The following HDAC7 variants were observed in gnomAD, a reference collection of about 807,000 sequenced individuals.
HDAC7 encodes histone deacetylase 7A.
A neutral mutation model predicts 115.5 loss-of-function variants in HDAC7; 26 were observed. That is an observed-to-expected ratio of 0.23 (90% CI 0.16 to 0.31). The LOEUF (loss-of-function observed/expected upper bound fraction) is 0.31, where lower values mean the gene tolerates loss of function less well. Among genes scored for constraint, HDAC7 ranks in the 10% least tolerant of loss-of-function variants. The pLI, the probability that HDAC7 is intolerant of heterozygous loss-of-function variation, is 1.00. For synonymous variants in HDAC7, 564 were observed against 550.9 expected (o/e 1.02, Z -0.33); for missense variants, 1,068 against 1,329.0 (o/e 0.80, Z 3.05).
intron 1 of HDAC7, among the ~76,000 whole-genome samples, chr12:47,811,569 C>G (rs1472413604): frequency 6.6e-6 from 1 of 152,198 alleles, no homozygotes; most frequent in Non-Finnish European, 1.5e-5. Flanking sequence ...TGATCTCTGA[C>G]TGATGCGTCT....
Position 47,798,083 on chromosome 12 carries a change from G to T in HDAC7, c.461+25C>A. On this transcript the variant is annotated intron_variant, in intron 5 of 25. Coordinates refer to ENST00000080059, the MANE Select transcript of HDAC7 (RefSeq NM_015401.5). The surrounding 1 kb of genome is among the most constrained non-coding windows in gnomAD (Gnocchi z 4.3). The stretch of plus-strand genomic sequence containing the variant: ...GGGGTGGAGGGTGCATGTGGGGACA[G>T]GAGGGCAGGTGAGGAGGGTGTTACC... The T allele has an allele frequency of 6.5e-7, 1 of 1,537,140 alleles. No individual in the cohort carries two copies. The highest frequency in any genetic ancestry group is 9.0e-7 in the Non-Finnish European group (1 of 1,109,964).
At chr12:47,791,212 G>A (rs751753275) in intron 16 of HDAC7, 47 bp downstream of exon 16, 8 of 1,519,926 alleles carry the variant, frequency 5.3e-6, no homozygotes, top group South Asian at 4.7e-5. Flanking sequence ...AGGGAGGAGA[G>A]CTGAGAGCCC....
chr12:47,793,342 C>CCCCCCCCCCCCA lies in HDAC7; in HGVS notation c.1678+26_1678+27insTGGGGGGGGGGG. 1 of 1,397,878 alleles carries CCCCCCCCCCCCA rather than the reference C, an allele frequency of 7.2e-7. No homozygotes were observed. The highest frequency in any genetic ancestry group is 9.7e-7 in the Non-Finnish European group (1 of 1,033,342). The allele number at this position is 1,397,878 out of a possible 1,614,324, so 86.6% of individuals were successfully genotyped here. ...ACTCGTGCAGCCGAGCCCCTCCCTC[C>CCCCCCCCCCCCA]ACCCGCCACCCTCCTCCCGGTCTCA... On this transcript the variant is annotated intron_variant, in intron 13 of 25. Coordinates refer to ENST00000080059, the MANE Select transcript of HDAC7 (RefSeq NM_015401.5). The surrounding 1 kb of genome is among the most constrained non-coding windows in gnomAD (Gnocchi z 4.5).
In HDAC7 at chr12:47,798,674, C is replaced by G; in HGVS notation, c.259-22G>C. ...AGAGCTGTGGGCAGGGCCGGCAGCC[C>G]AGAAAGGGACAAGGAGTTGAGGACT... On this transcript the variant is annotated intron_variant, in intron 3 of 25. Coordinates refer to ENST00000080059, the MANE Select transcript of HDAC7 (RefSeq NM_015401.5). The surrounding 1 kb of genome is among the most constrained non-coding windows in gnomAD (Gnocchi z 4.3). 6.2e-7 allele frequency: 1 copy of G among 1,603,458 alleles called. No individual in the cohort carries two copies. The highest frequency in any genetic ancestry group is 1.3e-5 in the African/African-American group (1 of 74,804).
upstream of HDAC7, among the ~76,000 whole-genome samples, chr12:47,821,089 A>G (rs551673945): frequency 1.2e-4 from 18 of 152,270 alleles, no homozygotes; most frequent in Middle Eastern, 3.4e-3. Flanking sequence ...AGGCGCCACC[A>G]TTGTAAACCA....
Position 47,795,605 on chromosome 12 carries a change from G to A in HDAC7, c.1069C>T (p.His357Tyr). The change falls in exon 10 of 26, where the codon CAT (histidine) becomes TAT (tyrosine). Residue 357 changes from histidine (H) to tyrosine (Y), a missense_variant. Around this residue, in one of 6 missense-constraint regions of HDAC7, gnomAD observed 618 missense variants for 701.5 expected, o/e 0.88. Transcript: ENST00000080059. This position sits in a 1 kb window ranked among gnomAD's most constrained non-coding sequence, Gnocchi z 4.3. ...GACTCACCAGTCAGCAGCGGGGCAT[G>A]AGAGCCTGAGGGGTCCAGGAGGAGA... is the stretch of plus-strand genomic sequence containing the variant. ...PILLLDPSGS[H>Y]APLLTVPGLG... 6.4e-7 allele frequency: 1 copy of A among 1,561,496 alleles called. No individual in the cohort carries two copies. Among genetic ancestry groups the A allele is most frequent in the Non-Finnish European group, 8.7e-7 (1 of 1,153,050 alleles).
intron 1 of HDAC7, chr12:47,813,042 G>C (rs1019382306): frequency 2.0e-5 from 3 of 152,260 alleles, no homozygotes; most frequent in African/African-American, 7.2e-5. Flanking sequence ...TCACTCCCGG[G>C]ACCCAGGGGA....
At chr12:47,816,143 C>T (rs1268142053) in intron 1 of HDAC7, among the ~76,000 whole-genome samples, 2 of 152,088 alleles carry the variant, frequency 1.3e-5, no homozygotes, top group Non-Finnish European at 2.9e-5. Context: ...CCACCTGCCT[C>T]GGCCTCCCAA....
chr12:47,801,103 C>G (rs1944144105), intron 2 of HDAC7, among the ~76,000 whole-genome samples: 1 of 152,228 alleles, frequency 6.6e-6, no homozygotes, highest in Non-Finnish European at 1.5e-5. Context: ...TTGCTCAAAG[C>G]TCAGCTGGAG....
intron 1 of HDAC7, chr12:47,802,488 C>T: frequency 6.4e-7 from 1 of 1,551,094 alleles, no homozygotes; most frequent in Non-Finnish European, 8.7e-7. Context: ...CCAGCTCCCT[C>T]TTCCTCAAGT....
chr12:47,797,855 G>GGTGTGTGTGTGT lies in HDAC7; in HGVS notation c.461+241_461+252dup, dbSNP rs373121556. Among the ~76,000 whole-genome samples, 6,694 of 123,736 alleles carry GGTGTGTGTGTGT rather than the reference G, an allele frequency of 0.054. 237 individuals are homozygous for GGTGTGTGTGTGT. Among genetic ancestry groups the GGTGTGTGTGTGT allele is most frequent in the Non-Finnish European group, 0.069 (4,122 of 59,890 alleles). 81.2% of individuals were successfully genotyped at this position (123,736 alleles called of 152,430 possible). A position where few individuals can be genotyped will look rare whatever the true frequency, so the allele number is the denominator to read the frequency against. On this transcript the variant is annotated intron_variant, in intron 5 of 25. Coordinates refer to ENST00000080059, the MANE Select transcript of HDAC7 (RefSeq NM_015401.5). This position sits in a 1 kb window ranked among gnomAD's most constrained non-coding sequence, Gnocchi z 5.5. ...TCATGTGCAAGAAAAAAGCCAGTAG[G>GGTGTGTGTGTGT]GTGTGTGTGTGTGTGTGTGTGTGTG...
chr12:47,801,898 G>T lies in HDAC7; in HGVS notation c.70+326C>A, dbSNP rs568107973. Among the ~76,000 whole-genome samples, 7 of 152,302 alleles carry T rather than the reference G, an allele frequency of 4.6e-5. No individual in the cohort carries two copies. In the South Asian group the frequency reaches 1.5e-3, roughly 32 times the overall value. On this transcript the variant is annotated intron_variant, in intron 2 of 25. Transcript: ENST00000080059. ...GAGTCCACACACAAGAACACACCTT[G>T]CCTGGTGCCTGACATGGGGTAGGGG...
At chr12:47,816,044 C>T (rs529812005) in intron 1 of HDAC7, among the ~76,000 whole-genome samples, 1 of 151,922 alleles carries the variant, frequency 6.6e-6, no homozygotes, top group Non-Finnish European at 1.5e-5. Flanking sequence ...GGCGCGCACG[C>T]CACACCTGGC....
Position 47,797,291 on chromosome 12 carries a change from G to GGGCCC in HDAC7, c.577+92_577+93insGGGCC. On this transcript the variant is annotated intron_variant, in intron 6 of 25. Transcript: ENST00000080059. This position sits in a 1 kb window ranked among gnomAD's most constrained non-coding sequence, Gnocchi z 5.5. ...AGCCTACCGATGATCTCCTGGCCCA[G>GGGCCC]CCCAGCCCGCCCACCCCTGCACACT... is the stretch of plus-strand genomic sequence containing the variant. 6.0e-6 allele frequency: 8 copies of GGGCCC among 1,336,124 alleles called. No individual in the cohort carries two copies. The highest frequency in any genetic ancestry group is 8.4e-6 in the Non-Finnish European group (8 of 948,900). The allele number at this position is 1,336,124 out of a possible 1,614,324, so 82.8% of individuals were successfully genotyped here.
chr12:47,805,480 A>T (rs1944360832), intron 1 of HDAC7, among the ~76,000 whole-genome samples: 1 of 151,968 alleles, frequency 6.6e-6, no homozygotes. Context: ...TTCAGAGCTG[A>T]CTCCCTTCAC....
intron 20 of HDAC7, 103 bp from the exon 21 acceptor site, chr12:47,787,912 C>T: frequency 6.6e-7 from 1 of 1,524,760 alleles, no homozygotes. Flanking sequence ...CTCCCCATTT[C>T]CAGGTGGGGA....
chr12:47,814,048 A>G (rs1425755007), intron 1 of HDAC7, among the ~76,000 whole-genome samples: 1 of 152,218 alleles, frequency 6.6e-6, no homozygotes, highest in Non-Finnish European at 1.5e-5. Flanking sequence ...TGGACCAGAC[A>G]GGGGCATTTC....
intron 7 of HDAC7, 90 bp from the exon 8 acceptor site, chr12:47,796,388 C>T: frequency 1.3e-6 from 1 of 784,762 alleles, no homozygotes; most frequent in African/African-American, 1.8e-5. Context: ...GACCCGGGAG[C>T]ACCCCCTTCC....
intron 1 of HDAC7, among the ~76,000 whole-genome samples, chr12:47,813,732 G>A (rs1944766810): frequency 6.6e-6 from 1 of 152,216 alleles, no homozygotes. Flanking sequence ...TGGGCGGGAA[G>A]GCCTGGGAGT....
Sources: gnomAD v4.1 joint callset for allele counts (sites outside exome capture counted in the v4.1 genomes callset) on GRCh38, gnomAD v4.1.1 for gene constraint, gnomAD v4.1.1 regional missense constraint, Gnocchi (gnomAD v3.1) non-coding constraint, MANE v1.5 for transcripts, NCBI Gene and HGNC (gene_info 2026-07-23, HGNC 2026-07-21) for gene names.